RMI2: variants seen among roughly 807,000 people sequenced by gnomAD.
RMI2 encodes RecQ mediated genome instability 2, also known as recQ-mediated genome instability protein 2.
In RMI2, 11 loss-of-function variants were observed where a neutral mutation model predicts 8.4. The observed-to-expected ratio is 1.32, with a 90% CI of 0.83 to 2.18. RMI2 has a LOEUF of 2.18. Ranked by LOEUF, RMI2 falls within the 30% of genes most tolerant of loss-of-function variation. The pLI is 0.00. For synonymous variants in RMI2, 105 were observed against 93.8 expected, an observed-to-expected ratio of 1.12 and a Z score of -0.69; for missense variants, 253 against 207.5, an observed-to-expected ratio of 1.22 and a Z score of -1.35.
chr16:11,346,978 C>T (rs1287863172), intron 1 of RMI2, among the ~76,000 whole-genome samples: 2 of 152,252 alleles, frequency 1.3e-5, no homozygotes, highest in African/African-American at 2.4e-5. Context: ...TCCTCAGCAT[C>T]TGGCCCAGTT....
Position 11,351,377 on chromosome 16 carries a change from C to T in RMI2, c.*587C>T, listed in dbSNP as rs1567494254. On this transcript the variant is annotated 3_prime_UTR_variant, in exon 2 of 2. Transcript: ENST00000312499. ...CTTTCTGCTTCGGACACCACTCAAA[C>T]ATTTAGACGCAGCTCTATCCCTTTT... The T allele has an allele frequency of 1.7e-5, 4 of 232,448 alleles. No individual in the cohort carries two copies. The highest frequency in any genetic ancestry group is 3.4e-5 in the Non-Finnish European group (4 of 117,640). 14.4% of individuals were successfully genotyped at this position (232,448 alleles called of 1,614,324 possible). A position where few individuals can be genotyped will look rare whatever the true frequency, so the allele number is the denominator to read the frequency against.
At position 11,350,890 on chromosome 16, in the gene RMI2, C is replaced by G; in HGVS notation, c.*100C>G. The G allele has an allele frequency of 9.9e-7, 1 of 1,011,878 alleles. No individual in the cohort carries two copies. Among genetic ancestry groups the G allele is most frequent in the Non-Finnish European group, 1.4e-6 (1 of 706,304 alleles). 62.7% of individuals were successfully genotyped at this position (1,011,878 alleles called of 1,614,324 possible). The stretch of plus-strand genomic sequence containing the variant: ...TGGACACTTTTCAATGCGTATTTTT[C>G]AAATGCTTCTCAGAGAGCCTTGCTT... On this transcript the variant is annotated 3_prime_UTR_variant, in exon 2 of 2. Coordinates refer to ENST00000312499, the MANE Select transcript of RMI2 (RefSeq NM_152308.3).
rs138367404 is a variant in RMI2, at chr16:11,350,658, G to C, written c.312G>C (p.Val104=). The C allele has an allele frequency of 1.1e-4, 179 of 1,582,902 alleles. No homozygotes were observed. The highest frequency in any genetic ancestry group is 1.5e-4 in the Non-Finnish European group (175 of 1,170,188). The change falls in exon 2 of 2, where the codon GTG becomes GTC. Residue 104 remains valine (V), a synonymous_variant. Transcript: ENST00000312499. ...PCLVPGKYVM[V]MGVVQACSPE... is the part of the protein sequence containing the mutation. ...TTTTTCTAGGAAAGTATGTGATGGT[G>C]ATGGGAGTGGTTCAGGCCTGCAGCC...
chr16:11,347,955 A>G (rs1165283491), intron 1 of RMI2, among the ~76,000 whole-genome samples: 1 of 152,028 alleles, frequency 6.6e-6, no homozygotes, highest in Non-Finnish European at 1.5e-5. Flanking sequence ...TAATTTTTGT[A>G]GTTCTAGTAG....
chr16:11,350,776 A>G lies in RMI2; in HGVS notation c.430A>G (p.Arg144Gly), dbSNP rs763316586. 2.2e-5 allele frequency: 35 copies of G among 1,610,090 alleles called. No homozygotes were observed. Among genetic ancestry groups the G allele is most frequent in the Admixed American group, 2.0e-4 (12 of 58,992 alleles). Residue 144 changes from arginine to glycine, a missense_variant, in exon 2 of 2, where the codon AGG becomes GGG. Coordinates refer to ENST00000312499, the MANE Select transcript of RMI2 (RefSeq NM_152308.3). ...MWELEVEDLH[R>G]NIP ...GGAACTGGAGGTAGAAGATTTACAC[A>G]GGAATATTCCTTAGAGTATGTTGGA...
rs1170723814 is a variant in RMI2, at chr16:11,349,996, A to G, written c.296-646A>G. ...GGAGGAGGTGGCAGGGATAGGTCCC[A>G]GCAGTTGGAACAATGGGGCGGGGGG... On this transcript the variant is annotated intron_variant, in intron 1 of 1. Transcript: ENST00000312499. This position sits in a 1 kb window ranked among gnomAD's most constrained non-coding sequence, Gnocchi z 4.2. Among the ~76,000 whole-genome samples, 1 of 152,206 alleles carries G rather than the reference A, an allele frequency of 6.6e-6. No individual in the cohort carries two copies. The highest frequency in any genetic ancestry group is 1.5e-5 in the Non-Finnish European group (1 of 68,030).
Position 11,350,775 on chromosome 16 carries a change from C to G in RMI2, c.429C>G (p.His143Gln), listed in dbSNP as rs1432068890. 4 of 1,609,166 alleles carry G rather than the reference C, an allele frequency of 2.5e-6. No homozygotes were observed. Among genetic ancestry groups the G allele is most frequent in the Non-Finnish European group, 2.5e-6 (3 of 1,178,422 alleles). Reference protein sequence around the residue: ...SMWELEVEDLHRNIP With the variant: ...SMWELEVEDLQRNIP Reference sequence around the variant, plus strand: ...GGGAACTGGAGGTAGAAGATTTACACAGGAATATTCCTTAGAGTATGTTGG... The same window carrying G: ...GGGAACTGGAGGTAGAAGATTTACAGAGGAATATTCCTTAGAGTATGTTGG... Residue 143 changes from histidine to glutamine, a missense_variant, in exon 2 of 2, where the codon CAC (histidine) becomes CAG (glutamine). Transcript: ENST00000312499.
rs1026579795 is a variant in RMI2, at chr16:11,351,757, A to G, written c.*967A>G. The stretch of plus-strand genomic sequence containing the variant: ...ATTCTACCTCTAATAAATTTTTAAT[A>G]GGCTGTATGAGTTTTTTTTTTTAAT... On this transcript the variant is annotated 3_prime_UTR_variant, in exon 2 of 2. Coordinates refer to ENST00000312499, the MANE Select transcript of RMI2 (RefSeq NM_152308.3). 9.8e-6 allele frequency: 2 copies of G among 203,652 alleles called. No individual in the cohort carries two copies. The highest frequency in any genetic ancestry group is 4.6e-5 in the African/African-American group (2 of 43,466). 12.6% of individuals were successfully genotyped at this position (203,652 alleles called of 1,614,324 possible).
At chr16:11,346,255 CTTTTTTTTT>C (rs34808246) in intron 1 of RMI2, among the ~76,000 whole-genome samples, 9 of 115,930 alleles carry the variant, frequency 7.8e-5, no homozygotes, top group South Asian at 2.8e-4. Flanking sequence ...TGCCTCCTCT[CTTTTTTTTT>C]TTTTTTTTTT....
chr16:11,346,288 C>T (rs1456937451), intron 1 of RMI2, among the ~76,000 whole-genome samples: 7 of 126,702 alleles, frequency 5.5e-5, no homozygotes, highest in Non-Finnish European at 9.5e-5. Context: ...GAGACGGAGT[C>T]TCACTCTGTC....
chr16:11,350,009 A>G (rs539382117), intron 1 of RMI2, among the ~76,000 whole-genome samples: 11 of 152,300 alleles, frequency 7.2e-5, no homozygotes, highest in South Asian at 2.1e-4. Flanking sequence ...AGTTGGAACA[A>G]TGGGGCGGGG....
rs34011458 is a variant in RMI2, at chr16:11,351,373, C to CA, written c.*586dup. On this transcript the variant is annotated 3_prime_UTR_variant, in exon 2 of 2. Transcript: ENST00000312499. Reference sequence around the variant, plus strand: ...CTCCCTTTCTGCTTCGGACACCACTCAAACATTTAGACGCAGCTCTATCCC... The same window carrying CA: ...CTCCCTTTCTGCTTCGGACACCACTCAAAACATTTAGACGCAGCTCTATCCC... The CA allele has an allele frequency of 8.6e-6, 2 of 232,714 alleles. No homozygotes were observed. The highest frequency in any genetic ancestry group is 3.6e-4 in the South Asian group (2 of 5,524). 14.4% of individuals were successfully genotyped at this position (232,714 alleles called of 1,614,324 possible). A position where few individuals can be genotyped will look rare whatever the true frequency, so the allele number is the denominator to read the frequency against.
In RMI2 at chr16:11,349,419, C is replaced by T. The variant is rs776923769; in HGVS notation, c.296-1223C>T. 1.3e-5 allele frequency: 2 copies of T among 152,386 alleles called. No homozygotes were observed. Among genetic ancestry groups the T allele is most frequent in the African/African-American group, 4.8e-5 (2 of 41,432 alleles). 9.4% of individuals were successfully genotyped at this position (152,386 alleles called of 1,614,324 possible). A position where few individuals can be genotyped will look rare whatever the true frequency, so the allele number is the denominator to read the frequency against. On this transcript the variant is annotated intron_variant, in intron 1 of 1. Transcript: ENST00000312499. This position sits in a 1 kb window ranked among gnomAD's most constrained non-coding sequence, Gnocchi z 4.2. The stretch of plus-strand genomic sequence containing the variant: ...GTCAATTTGTCCCATCGCGTGCCTT[C>T]GAGTTCATCCGGCTGGCTGTGTGTG...
intron 1 of RMI2, chr16:11,348,155 G>C (rs1317001786): frequency 1.3e-5 from 2 of 152,204 alleles, no homozygotes; most frequent in African/African-American, 2.4e-5. Flanking sequence ...CATAAGTTAA[G>C]TTTTATTGGA....
intron 1 of RMI2, among the ~76,000 whole-genome samples, chr16:11,346,756 G>A (rs565159431): frequency 7.2e-5 from 11 of 152,232 alleles, no homozygotes; most frequent in Admixed American, 3.9e-4. Flanking sequence ...CCATACTTTC[G>A]ACTTTTTAAA....
Position 11,345,717 on chromosome 16 carries a change from G to C in RMI2, c.246G>C (p.Ser82=). ...TGAGGGACCCGAGCGGGGACTTCTCGGTCCGCGGCCTGGAGCGGGTGCCGC... is the reference window on the plus strand; with the variant it reads ...TGAGGGACCCGAGCGGGGACTTCTCCGTCCGCGGCCTGGAGCGGGTGCCGC... ...ARLRDPSGDF[S]VRGLERVPRG... The change falls in exon 1 of 2, where the codon TCG becomes TCC. Residue 82 remains serine, a synonymous_variant. Transcript: ENST00000312499. The C allele has an allele frequency of 8.0e-7, 1 of 1,253,430 alleles. No individual in the cohort carries two copies. Among genetic ancestry groups the C allele is most frequent in the East Asian group, 3.0e-5 (1 of 33,196 alleles). 77.6% of individuals were successfully genotyped at this position (1,253,430 alleles called of 1,614,324 possible). A position where few individuals can be genotyped will look rare whatever the true frequency, so the allele number is the denominator to read the frequency against.
At position 11,350,779 on chromosome 16, in the gene RMI2, A is replaced by G. The variant is rs2070961102; in HGVS notation, c.433A>G (p.Asn145Asp). Residue 145 changes from asparagine (N) to aspartate (D), a missense_variant, in exon 2 of 2, where the codon AAT becomes GAT. By Grantham distance (23) the Asn-to-Asp change is conservative. Transcript: ENST00000312499. ...WELEVEDLHR[N>D]IP ...ACTGGAGGTAGAAGATTTACACAGG[A>G]ATATTCCTTAGAGTATGTTGGAACT... 6.2e-7 allele frequency: 1 copy of G among 1,609,302 alleles called. No individual in the cohort carries two copies. Among genetic ancestry groups the G allele is most frequent in the Non-Finnish European group, 8.5e-7 (1 of 1,178,486 alleles).
chr16:11,347,089 A>G (rs567979097), intron 1 of RMI2, among the ~76,000 whole-genome samples: 1 of 152,376 alleles, frequency 6.6e-6, no homozygotes, highest in African/African-American at 2.4e-5. Flanking sequence ...CGTGTTGTAC[A>G]TCAGCCCCTC....
intron 1 of RMI2, among the ~76,000 whole-genome samples, chr16:11,347,891 A>G (rs12149020): frequency 0.45 from 68,571 of 152,010 alleles, 15,903 homozygotes; most frequent in African/African-American, 0.56. Flanking sequence ...AGCGATTCTC[A>G]TGCCTCAGCC....
Sources: allele counts gnomAD v4.1 joint callset (sites outside exome capture counted in the v4.1 genomes callset), GRCh38; gene constraint gnomAD v4.1.1; non-coding constraint Gnocchi (gnomAD v3.1); transcripts MANE v1.5; gene names NCBI Gene and HGNC (gene_info 2026-07-23, HGNC 2026-07-21).